Variants in KLF12 observed in about 807,000 individuals in gnomAD.
The protein encoded by KLF12 is Krueppel-like factor 12.
A neutral mutation model predicts 37.8 loss-of-function variants in KLF12; 9 were observed. The observed-to-expected ratio is 0.24, with a 90% CI of 0.14 to 0.42. The LOEUF (loss-of-function observed/expected upper bound fraction) is 0.42. Among genes scored for constraint, KLF12 ranks in the 10% least tolerant of loss-of-function variants. KLF12 has a pLI of 1.00. For missense variants in KLF12, 411 were observed against 516.0 expected (o/e 0.80, Z 1.97); for synonymous variants, 208 against 202.1 (o/e 1.03, Z -0.25).
intron 5 of KLF12, chr13:73,800,642 C>A (rs1382180184): frequency 1.3e-5 from 2 of 151,850 alleles, no homozygotes; most frequent in African/African-American, 2.4e-5. Flanking sequence ...ATGACTTAGT[C>A]TAACATTAAA....
intron 5 of KLF12, among the ~76,000 whole-genome samples, chr13:73,798,604 G>A (rs548086958): frequency 4.6e-5 from 7 of 152,154 alleles, no homozygotes; most frequent in Non-Finnish European, 1.0e-4. Context: ...TGTGGGCAAA[G>A]GACATGAACA....
chr13:73,963,838 A>G (rs1891097124), intron 2 of KLF12, among the ~76,000 whole-genome samples: 1 of 152,260 alleles, frequency 6.6e-6, no homozygotes, highest in South Asian at 2.1e-4. Flanking sequence ...CTAATTTTAA[A>G]TAAGAAATCA....
intron 3 of KLF12, among the ~76,000 whole-genome samples, chr13:73,888,286 G>A (rs537011063): frequency 1.8e-4 from 28 of 152,216 alleles, no homozygotes; most frequent in South Asian, 6.2e-4. Context: ...TTACAGTCCT[G>A]AGCCACCGCG....
intron 3 of KLF12, among the ~76,000 whole-genome samples, chr13:73,851,683 T>C (rs1885343038): frequency 6.6e-6 from 1 of 152,220 alleles, no homozygotes; most frequent in African/African-American, 2.4e-5. Flanking sequence ...TTGTTTCTTG[T>C]GTCTTGGTAG....
chr13:74,275,825 T>TC, the KLF12 span, among the ~76,000 whole-genome samples: 1,657 of 117,190 alleles, frequency 0.014, 23 homozygotes, highest in Middle Eastern at 0.034. Flanking sequence ...TTTCTTTCTT[T>TC]CTTTCTTTCT....
At chr13:73,855,077 C>T (rs542437377) in intron 3 of KLF12, among the ~76,000 whole-genome samples, 1 of 152,264 alleles carries the variant, frequency 6.6e-6, no homozygotes, top group South Asian at 2.1e-4. Context: ...CAGAACTTTT[C>T]CATGAGCAGT....
chr13:73,996,603 T>C (rs1365850022), intron 1 of KLF12, among the ~76,000 whole-genome samples: 1 of 152,262 alleles, frequency 6.6e-6, no homozygotes, highest in Non-Finnish European at 1.5e-5. Flanking sequence ...TATCATTATT[T>C]ACTTCTTAAC....
rs1368239114 is a variant in KLF12, at chr13:74,112,564, T to C, written c.-32+21175A>G. On this transcript the variant is annotated intron_variant, in intron 1 of 7. Transcript: ENST00000377669. ...AGACTTTTCTATTATTGCATCTGTATTGGTGACCTGTGATCTTTGATGTTA... is the reference window on the plus strand; with the variant it reads ...AGACTTTTCTATTATTGCATCTGTACTGGTGACCTGTGATCTTTGATGTTA... Among the ~76,000 whole-genome samples, 5 of 152,180 alleles carry C rather than the reference T, an allele frequency of 3.3e-5. No homozygotes were observed. In the East Asian group the frequency reaches 5.8e-4, roughly 18 times the overall value.
intron 1 of KLF12, among the ~76,000 whole-genome samples, chr13:74,132,115 C>A (rs1246906248): frequency 1.3e-5 from 2 of 152,022 alleles, no homozygotes; most frequent in African/African-American, 4.8e-5. Context: ...CACAAGCAAG[C>A]TTTTTTCCTT....
intron 3 of KLF12, among the ~76,000 whole-genome samples, chr13:73,927,581 AT>A (rs1477061288): frequency 6.6e-6 from 1 of 151,650 alleles, no homozygotes; most frequent in Non-Finnish European, 1.5e-5. Context: ...TCTTTATTTT[AT>A]TTTTTATTTT....
chr13:74,012,101 A>G (rs1892565145), intron 1 of KLF12, among the ~76,000 whole-genome samples: 1 of 152,250 alleles, frequency 6.6e-6, no homozygotes, highest in Non-Finnish European at 1.5e-5. Flanking sequence ...ATGCATCTGG[A>G]TGTAAATGTA....
chr13:73,834,008 C>T (rs928718344), intron 4 of KLF12, among the ~76,000 whole-genome samples: 24 of 152,224 alleles, frequency 1.6e-4, no homozygotes, highest in African/African-American at 5.8e-4. Flanking sequence ...TTTCTTCATC[C>T]ATCTCTTCAG....
At chr13:74,154,042 A>G in the KLF12 span, among the ~76,000 whole-genome samples, 12 of 150,334 alleles carry the variant, frequency 8.0e-5, no homozygotes, top group Non-Finnish European at 1.5e-4. Flanking sequence ...CCTGGACAAC[A>G]CGGTGAAACC....
intron 1 of KLF12, among the ~76,000 whole-genome samples, chr13:74,090,484 A>C (rs1875584597): frequency 1.3e-5 from 2 of 152,158 alleles, no homozygotes; most frequent in South Asian, 4.1e-4. Flanking sequence ...TCCCTACCAG[A>C]ATCATAACTG....
intron 3 of KLF12, among the ~76,000 whole-genome samples, chr13:73,858,649 T>G (rs902883787): frequency 1.3e-5 from 2 of 152,204 alleles, no homozygotes; most frequent in African/African-American, 4.8e-5. Context: ...TTGTGATAAA[T>G]CTGAGGATGC....
chr13:74,130,597 G>C (rs1593925272), intron 1 of KLF12, among the ~76,000 whole-genome samples: 1 of 150,386 alleles, frequency 6.6e-6, no homozygotes. Context: ...TTTGAGCTAT[G>C]ATGATGCCAC....
intron 6 of KLF12, among the ~76,000 whole-genome samples, chr13:73,744,415 GGGT>G (rs1878222584): frequency 6.6e-6 from 1 of 152,152 alleles, no homozygotes; most frequent in Non-Finnish European, 1.5e-5. Context: ...CGTTTTGAAA[GGGT>G]GAGTGTAGGT....
intron 5 of KLF12, among the ~76,000 whole-genome samples, chr13:73,798,738 G>C (rs1348013242): frequency 6.6e-6 from 1 of 152,088 alleles, no homozygotes; most frequent in Non-Finnish European, 1.5e-5. Context: ...CAGTCAGAAT[G>C]GCAATCATTA....
At chr13:74,085,639 C>G (rs1875235538) in intron 1 of KLF12, among the ~76,000 whole-genome samples, 1 of 152,196 alleles carries the variant, frequency 6.6e-6, no homozygotes, top group African/African-American at 2.4e-5. Context: ...ATTTGTAATA[C>G]TGGTCCTGAA....
Sources: allele counts gnomAD v4.1 joint callset (sites outside exome capture counted in the v4.1 genomes callset), GRCh38; gene constraint gnomAD v4.1.1; transcripts MANE v1.5; gene names NCBI Gene and HGNC (gene_info 2026-07-23, HGNC 2026-07-21).